Variants in ABL2 observed in about 807,000 individuals in gnomAD.
ABL2 encodes ABL proto-oncogene 2, non-receptor tyrosine kinase.
Under a neutral mutation model 107.7 loss-of-function variants are expected in ABL2, and 49 were observed. The ratio of observed to expected loss-of-function variants is 0.45; its 90% confidence interval spans 0.36 to 0.58. The LOEUF is 0.58. ABL2 is among the 20% of genes least tolerant of loss of function. The pLI, the probability that ABL2 is intolerant of heterozygous loss-of-function variation, is 0.00. For missense variants in ABL2, 1,245 were observed against 1,457.0 expected (o/e 0.85, Z 2.37); for synonymous variants, 549 against 548.6 (o/e 1.00, Z -0.01).
chr1:179,194,143 A>G (rs948713958), intron 1 of ABL2, among the ~76,000 whole-genome samples: 2 of 152,176 alleles, frequency 1.3e-5, no homozygotes, highest in Non-Finnish European at 2.9e-5. Context: ...AGTTAACATT[A>G]GTTTTCATAA....
At chr1:179,110,531 C>A (rs1330060172) in intron 10 of ABL2, 76 bp from the exon 11 acceptor site, 1 of 1,538,806 alleles carries the variant, frequency 6.5e-7, no homozygotes. Flanking sequence ...AGAAAAGGCA[C>A]ACAACTGAGA....
In ABL2 at chr1:179,104,458, TTCTA is replaced by T; in HGVS notation, c.*3256_*3259del. 1 of 213,578 alleles carries T rather than the reference TTCTA, an allele frequency of 4.7e-6. No homozygotes were observed. The highest frequency in any genetic ancestry group is 1.9e-4 in the South Asian group (1 of 5,348). The allele number at this position is 213,578 out of a possible 1,614,324, so 13.2% of individuals were successfully genotyped here. A position where few individuals can be genotyped will look rare whatever the true frequency, so the allele number is the denominator to read the frequency against. ...ATTTTCAGTTGAATCCTAAGAAACT[TTCTA>T]TCTAATTTAAATCTTAAAATGCTGC... is the stretch of plus-strand genomic sequence containing the variant. On this transcript the variant is annotated 3_prime_UTR_variant, in exon 12 of 12. Coordinates refer to ENST00000502732, the MANE Select transcript of ABL2 (RefSeq NM_007314.4).
Position 179,108,510 on chromosome 1 carries a change from AGCCTTGGCTGGAGAAGGCCAGCCCGGCTG to A in ABL2, c.2728_2756del (p.Gln910CysfsTer26), listed in dbSNP as rs1318864192. The A allele has an allele frequency of 1.2e-6, 2 of 1,614,172 alleles. No individual in the cohort carries two copies. The highest frequency in any genetic ancestry group is 3.3e-5 in the Admixed American group (2 of 60,032). ...TGTGAGTGGTTGGGAGGACGGGGGCAGCCTTGGCTGGAGAAGGCCAGCCCGGCTGCTCTCCATCCTCTGGAACTCCAGCC... is the reference window on the plus strand; with the variant it reads ...TGTGAGTGGTTGGGAGGACGGGGGCACTCTCCATCCTCTGGAACTCCAGCC... On this transcript the variant is annotated frameshift_variant, in exon 12 of 12. Transcript: ENST00000502732. LOFTEE classifies it high-confidence loss of function.
At chr1:179,147,849 T>A (rs1658108267) in intron 1 of ABL2, among the ~76,000 whole-genome samples, 1 of 152,112 alleles carries the variant, frequency 6.6e-6, no homozygotes. Flanking sequence ...ATAAACTTTT[T>A]TTAAAAAAGC....
intron 1 of ABL2, chr1:179,221,141 A>G (rs1479685270): frequency 4.1e-6 from 1 of 243,176 alleles, no homozygotes; most frequent in East Asian, 8.8e-5. Context: ...CTTGGGGTGA[A>G]AAAAGTCTTG....
At chr1:179,198,332 T>C (rs897765991) in intron 1 of ABL2, among the ~76,000 whole-genome samples, 16 of 152,008 alleles carry the variant, frequency 1.1e-4, no homozygotes, top group African/African-American at 3.6e-4. Flanking sequence ...ACATGAGAGT[T>C]GTTTGTGCTA....
At chr1:179,172,921 G>A (rs1271556126) in intron 1 of ABL2, among the ~76,000 whole-genome samples, 1 of 152,162 alleles carries the variant, frequency 6.6e-6, no homozygotes, top group Non-Finnish European at 1.5e-5. Context: ...CAGGCACAGT[G>A]GCTCACGCTT....
rs1663429573 is a variant in ABL2, at chr1:179,229,446, C to T, written c.-49G>A. 2 of 1,449,754 alleles carry T rather than the reference C, an allele frequency of 1.4e-6. No homozygotes were observed. The highest frequency in any genetic ancestry group is 1.5e-5 in the African/African-American group (1 of 67,000). 89.8% of individuals were successfully genotyped at this position (1,449,754 alleles called of 1,614,324 possible). A position where few individuals can be genotyped will look rare whatever the true frequency, so the allele number is the denominator to read the frequency against. On this transcript the variant is annotated 5_prime_UTR_variant, in exon 1 of 12. Transcript: ENST00000502732. Reference sequence around the variant, plus strand: ...CCCCCGCCGACCCCTGGTCACATTCCTCCTCGGCTCCGGCCTCGGGCTCCT... The same window carrying T: ...CCCCCGCCGACCCCTGGTCACATTCTTCCTCGGCTCCGGCCTCGGGCTCCT...
chr1:179,164,218 A>G (rs55642919), intron 1 of ABL2, among the ~76,000 whole-genome samples: 13,016 of 152,244 alleles, frequency 0.085, 618 homozygotes, highest in African/African-American at 0.093. Context: ...AAGAGAAAAA[A>G]AGCAGAAAAT....
chr1:179,114,461 C>T (rs144295482), intron 9 of ABL2, among the ~76,000 whole-genome samples: 11 of 152,214 alleles, frequency 7.2e-5, no homozygotes, highest in African/African-American at 1.9e-4. Flanking sequence ...AAACAAAACC[C>T]TGCAATTTAA....
intron 1 of ABL2, among the ~76,000 whole-genome samples, chr1:179,171,635 G>A (rs373889065): frequency 5.3e-5 from 8 of 152,028 alleles, no homozygotes; most frequent in Non-Finnish European, 1.2e-4. Context: ...CAATCCTCCC[G>A]CCCCAGCCTC....
intron 1 of ABL2, among the ~76,000 whole-genome samples, chr1:179,198,497 A>T (rs1271412096): frequency 6.6e-6 from 1 of 152,010 alleles, no homozygotes; most frequent in Non-Finnish European, 1.5e-5. Flanking sequence ...GTTCGAGACC[A>T]GCCTGGCCAA....
At chr1:179,186,270 T>C (rs1328664193) in intron 1 of ABL2, among the ~76,000 whole-genome samples, 2 of 152,122 alleles carry the variant, frequency 1.3e-5, no homozygotes, top group Admixed American at 1.3e-4. Context: ...AATGCCCTCT[T>C]CTGGGCTACA....
intron 1 of ABL2, among the ~76,000 whole-genome samples, chr1:179,165,289 C>T (rs952488876): frequency 3.9e-5 from 6 of 152,046 alleles, no homozygotes; most frequent in Non-Finnish European, 7.4e-5. Context: ...GATCTGTGTC[C>T]CCATGTACCA....
At position 179,126,731 on chromosome 1, in the gene ABL2, A is replaced by G; in HGVS notation, c.392-59T>C. 2 of 1,473,262 alleles carry G rather than the reference A, an allele frequency of 1.4e-6. No individual in the cohort carries two copies. The highest frequency in any genetic ancestry group is 1.8e-6 in the Non-Finnish European group (2 of 1,083,660). The allele number at this position is 1,473,262 out of a possible 1,614,324, so 91.3% of individuals were successfully genotyped here. ...GATGTTAAGACTTTATTTCAACTGA[A>G]GCAGTGTACTGTCAAACTTTAAACT... On this transcript the variant is annotated intron_variant, in intron 3 of 11. Transcript: ENST00000502732. The surrounding 1 kb of genome is among the most constrained non-coding windows in gnomAD (Gnocchi z 4.4).
chr1:179,170,125 T>A (rs1202268847), intron 1 of ABL2, among the ~76,000 whole-genome samples: 1 of 152,108 alleles, frequency 6.6e-6, no homozygotes, highest in Non-Finnish European at 1.5e-5. Context: ...CTGGTGAAGG[T>A]CATCCCATGG....
intron 1 of ABL2, among the ~76,000 whole-genome samples, chr1:179,214,135 C>G (rs1443786918): frequency 6.6e-6 from 1 of 151,966 alleles, no homozygotes; most frequent in Non-Finnish European, 1.5e-5. Flanking sequence ...AAAATGCCCA[C>G]TAATAAACCT....
In ABL2 at chr1:179,106,334, TA is replaced by T; in HGVS notation, c.*1383del. 1 of 230,796 alleles carries T rather than the reference TA, an allele frequency of 4.3e-6. No homozygotes were observed. The highest frequency in any genetic ancestry group is 6.2e-5 in the East Asian group (1 of 16,230). The allele number at this position is 230,796 out of a possible 1,614,324, so 14.3% of individuals were successfully genotyped here. A position where few individuals can be genotyped will look rare whatever the true frequency, so the allele number is the denominator to read the frequency against. On this transcript the variant is annotated 3_prime_UTR_variant, in exon 12 of 12. Transcript: ENST00000502732. ...CTATTTTTCAAGGGCAAAACATATT[TA>T]AGGATTAAGTCATTAGGTTCCCAGG...
Position 179,108,539 on chromosome 1 carries a change from G to A in ABL2, c.2728C>T (p.Gln910Ter), listed in dbSNP as rs538126714. The change falls in exon 12 of 12, where the codon CAG becomes TAG. Residue 910 changes from glutamine to a stop codon, truncating the protein, a stop_gained. Transcript: ENST00000502732. LOFTEE classifies it high-confidence loss of function. The part of the protein sequence containing the change: ...GMAGVPEDGE[Q>*]PGWPSPAKAA... Reference sequence around the variant, plus strand: ...TTGGCTGGAGAAGGCCAGCCCGGCTGCTCTCCATCCTCTGGAACTCCAGCC... The same window carrying A: ...TTGGCTGGAGAAGGCCAGCCCGGCTACTCTCCATCCTCTGGAACTCCAGCC... The A allele has an allele frequency of 6.2e-7, 1 of 1,614,114 alleles. No homozygotes were observed. Among genetic ancestry groups the A allele is most frequent in the East Asian group, 2.2e-5 (1 of 44,870 alleles).
Sources: gnomAD v4.1 joint callset for allele counts (sites outside exome capture counted in the v4.1 genomes callset) on GRCh38, gnomAD v4.1.1 for gene constraint, Gnocchi (gnomAD v3.1) non-coding constraint, MANE v1.5 for transcripts, NCBI Gene and HGNC (gene_info 2026-07-23, HGNC 2026-07-21) for gene names.